ZNF469: variants seen among roughly 807,000 people sequenced by gnomAD.
ZNF469 encodes zinc finger protein 469.
A neutral mutation model predicts 1.0 loss-of-function variants in ZNF469; 1 was observed. The ratio of observed to expected loss-of-function variants is 1.00; its 90% CI spans 0.35 to 4.73. The LOEUF is 4.73. Ranked by LOEUF, ZNF469 falls within the 30% of genes most tolerant of loss-of-function variation. The pLI, the probability that ZNF469 is intolerant of heterozygous loss-of-function variation, is 0.16. For synonymous variants in ZNF469, 2,703 were observed against 2,363.4 expected (o/e 1.14, Z -4.17); for missense variants, 6,100 against 5,356.3 (o/e 1.14, Z -4.33).
intron 1 of ZNF469, among the ~76,000 whole-genome samples, chr16:88,385,893 G>A (rs1190699795): frequency 2.0e-5 from 3 of 152,190 alleles, no homozygotes; most frequent in African/African-American, 4.8e-5. Flanking sequence ...CTGGCACACT[G>A]CAAGTACTTG....
At chr16:88,375,323 GCCAAGGCCACTAGC>G in the ZNF469 span, among the ~76,000 whole-genome samples, 2 of 152,244 alleles carry the variant, frequency 1.3e-5, no homozygotes, top group African/African-American at 2.4e-5. Context: ...GCACAGAGGG[GCCAAGGCCACTAGC>G]CCAAGGCCAC....
chr16:88,351,103 A>G, the ZNF469 span, among the ~76,000 whole-genome samples: 4 of 152,286 alleles, frequency 2.6e-5, no homozygotes, highest in South Asian at 8.3e-4. Flanking sequence ...CCTGGTCTTC[A>G]GCATGTCGGG....
At chr16:88,396,973 G>C (rs1376867318) in intron 1 of ZNF469, among the ~76,000 whole-genome samples, 2 of 145,188 alleles carry the variant, frequency 1.4e-5, no homozygotes, top group Non-Finnish European at 3.1e-5. Flanking sequence ...AGGGAGGCCA[G>C]GAGGAGACCC....
At chr16:88,164,363 T>G in the ZNF469 span, among the ~76,000 whole-genome samples, 2 of 151,882 alleles carry the variant, frequency 1.3e-5, no homozygotes, top group Non-Finnish European at 2.9e-5. Context: ...GGTAAGTGGA[T>G]GAATGGATGG....
the ZNF469 span, among the ~76,000 whole-genome samples, chr16:88,235,279 G>GCA: frequency 6.6e-6 from 1 of 152,168 alleles, no homozygotes; most frequent in Non-Finnish European, 1.5e-5. Context: ...CCGGGCTTCC[G>GCA]CACACATTTC....
chr16:88,433,551 C>T lies in ZNF469; in HGVS notation c.6081C>T (p.Thr2027=), dbSNP rs577303475. 2.6e-5 allele frequency: 41 copies of T among 1,550,242 alleles called. No homozygotes were observed. The African/African-American group carries it at 4.9e-4, about 19-fold the overall frequency. The part of the protein sequence containing the change: ...SVNASPKTAL[T]GPTEGAVLLE... ...ATGCCAGTCCCAAAACAGCGCTGAC[C>T]GGCCCCACCGAGGGTGCAGTCCTGC... The change falls in exon 3 of 3, where the codon ACC becomes ACT. Residue 2027 remains threonine (T), a synonymous_variant. Transcript: ENST00000565624.
At chr16:88,250,178 C>A in the ZNF469 span, among the ~76,000 whole-genome samples, 1 of 152,186 alleles carries the variant, frequency 6.6e-6, no homozygotes, top group African/African-American at 2.4e-5. Flanking sequence ...GACCAACACC[C>A]CAGAGATGCT....
chr16:88,413,905 C>T (rs928146067), intron 1 of ZNF469, among the ~76,000 whole-genome samples: 40 of 152,340 alleles, frequency 2.6e-4, no homozygotes, highest in Middle Eastern at 3.4e-3. Context: ...GCCATGGAAG[C>T]AGGCGCTATG....
chr16:88,230,270 A>G, the ZNF469 span, among the ~76,000 whole-genome samples: 1 of 152,244 alleles, frequency 6.6e-6, no homozygotes, highest in Non-Finnish European at 1.5e-5. Flanking sequence ...AACAGCCAGA[A>G]AGGGCTGATC....
At chr16:88,380,317 ACTCACACATGCACTCACACATGCGCT>A (rs1237686510), upstream of ZNF469, among the ~76,000 whole-genome samples, 80 of 138,208 alleles carry the variant, frequency 5.8e-4, 2 homozygotes, top group African/African-American at 2.6e-3. Context: ...ACAGACATGC[ACTCACACATGCACTCACACATGCGCT>A]CACACACATG....
chr16:88,332,446 C>T, the ZNF469 span, among the ~76,000 whole-genome samples: 7 of 152,240 alleles, frequency 4.6e-5, no homozygotes, highest in East Asian at 3.9e-4. Context: ...TGCTGAGCAC[C>T]GCCACGCTTG....
the ZNF469 span, among the ~76,000 whole-genome samples, chr16:88,358,542 C>A: frequency 6.6e-6 from 1 of 152,086 alleles, no homozygotes; most frequent in African/African-American, 2.4e-5. Flanking sequence ...CCACTCCCAC[C>A]CAGGCCAGGC....
the ZNF469 span, among the ~76,000 whole-genome samples, chr16:88,117,210 C>T: frequency 9.8e-5 from 14 of 142,936 alleles, no homozygotes; most frequent in East Asian, 4.1e-4. Context: ...GCCGGGGACA[C>T]GTGAGAGCTG....
the ZNF469 span, among the ~76,000 whole-genome samples, chr16:88,230,635 G>A: frequency 1.8e-4 from 7 of 38,448 alleles, no homozygotes; most frequent in African/African-American, 3.4e-4. Flanking sequence ...AGAGTGGAAC[G>A]CACCAAGGAG....
the ZNF469 span, among the ~76,000 whole-genome samples, chr16:88,330,063 C>A: frequency 6.6e-6 from 1 of 152,234 alleles, no homozygotes; most frequent in Non-Finnish European, 1.5e-5. Flanking sequence ...CAGGCATAGG[C>A]AAAGCCTCAG....
At chr16:88,343,059 T>C in the ZNF469 span, among the ~76,000 whole-genome samples, 2 of 151,966 alleles carry the variant, frequency 1.3e-5, no homozygotes, top group Admixed American at 6.5e-5. Context: ...CTGAGAAGCA[T>C]AGGCGTCCTG....
the ZNF469 span, among the ~76,000 whole-genome samples, chr16:88,206,019 A>G: frequency 2.0e-5 from 3 of 152,146 alleles, no homozygotes; most frequent in Non-Finnish European, 1.5e-5. Flanking sequence ...CGGGTGGCAC[A>G]GGGGCGCCCA....
upstream of ZNF469, among the ~76,000 whole-genome samples, chr16:88,381,400 ACT>A (rs896243138): frequency 6.7e-6 from 1 of 149,966 alleles, no homozygotes; most frequent in African/African-American, 2.4e-5. Flanking sequence ...ACACACACGC[ACT>A]CACACACAGA....
chr16:88,200,438 TG>T, the ZNF469 span, among the ~76,000 whole-genome samples: 1 of 152,252 alleles, frequency 6.6e-6, no homozygotes, highest in East Asian at 1.9e-4. Context: ...GGACCGCACC[TG>T]CCCCGTGGCC....
Sources: allele counts gnomAD v4.1 joint callset (sites outside exome capture counted in the v4.1 genomes callset), GRCh38; gene constraint gnomAD v4.1.1; transcripts MANE v1.5; gene names NCBI Gene and HGNC (gene_info 2026-07-23, HGNC 2026-07-21).